Variants in PIK3C3 observed in about 807,000 individuals in gnomAD.
The protein encoded by PIK3C3 is phosphatidylinositol 3-kinase catalytic subunit type 3, also known as PI3-kinase type 3.
Under a neutral mutation model 126.1 loss-of-function variants are expected in PIK3C3, and 95 were observed. The ratio of observed to expected loss-of-function variants is 0.75; its 90% CI spans 0.64 to 0.89. The LOEUF (loss-of-function observed/expected upper bound fraction) is 0.89, where lower values mean the gene tolerates loss of function less well. Among genes scored for constraint, PIK3C3 ranks in the 40% least tolerant of loss-of-function variants. The pLI, the probability that PIK3C3 is intolerant of heterozygous loss-of-function variation, is 0.00. For missense variants in PIK3C3, 829 were observed against 1,063.2 expected (o/e 0.78, Z 3.06); for synonymous variants, 374 against 360.0 (o/e 1.04, Z -0.44).
At chr18:42,054,484 A>C (rs1280123027) in intron 21 of PIK3C3, among the ~76,000 whole-genome samples, 1 of 151,908 alleles carries the variant, frequency 6.6e-6, no homozygotes, top group East Asian at 2.0e-4. Flanking sequence ...CTCAAATATT[A>C]ATCTCCTTTG....
chr18:41,984,870 T>A (rs540597980), intron 4 of PIK3C3: 62 of 152,308 alleles, frequency 4.1e-4, no homozygotes, highest in African/African-American at 1.3e-3. Flanking sequence ...TTTTAACTGT[T>A]ATAATGCAGC....
intron 11 of PIK3C3, among the ~76,000 whole-genome samples, chr18:42,015,098 T>C (rs999461570): frequency 1.3e-5 from 2 of 152,212 alleles, no homozygotes; most frequent in Non-Finnish European, 2.9e-5. Context: ...GTTCTTTTTT[T>C]AAGCTCTGTT....
intron 1 of PIK3C3, among the ~76,000 whole-genome samples, chr18:41,956,135 T>C (rs1979759560): frequency 6.6e-6 from 1 of 152,210 alleles, no homozygotes; most frequent in South Asian, 2.1e-4. Context: ...CATAGCATCA[T>C]CCATAATTAA....
At chr18:42,038,569 C>G (rs1223997006) in intron 17 of PIK3C3, among the ~76,000 whole-genome samples, 3 of 152,058 alleles carry the variant, frequency 2.0e-5, no homozygotes, top group Non-Finnish European at 4.4e-5. Context: ...ATCTTGAACT[C>G]CTGACCTCAG....
chr18:42,083,232 C>T lies in PIK3C3; in HGVS notation c.*2095C>T, dbSNP rs529278458. The T allele has an allele frequency of 6.6e-6, 1 of 152,174 alleles. No individual in the cohort carries two copies. The highest frequency in any genetic ancestry group is 1.9e-4 in the East Asian group (1 of 5,198). 9.4% of individuals were successfully genotyped at this position (152,174 alleles called of 1,614,324 possible). ...ATTCCATTGTTTTTACTCTTTAGAG[C>T]TCTATCCTCAGAGTGTAGTCTGCAT... On this transcript the variant is annotated 3_prime_UTR_variant, in exon 25 of 25. Coordinates refer to ENST00000262039, the MANE Select transcript of PIK3C3 (RefSeq NM_002647.4).
intron 10 of PIK3C3, among the ~76,000 whole-genome samples, chr18:42,012,183 TAAAA>T (rs200019420): frequency 5.3e-4 from 75 of 142,236 alleles, no homozygotes; most frequent in Middle Eastern, 7.1e-3. Context: ...CTTCATTCTG[TAAAA>T]AAAAAAAAAA....
At chr18:41,990,372 T>C in intron 5 of PIK3C3, 87 bp from the exon 6 acceptor site, 4 of 752,434 alleles carry the variant, frequency 5.3e-6, no homozygotes, top group Non-Finnish European at 9.3e-6. Context: ...ATACATGTAT[T>C]ACTGAATTAG....
chr18:41,993,408 A>G (rs968852527), intron 7 of PIK3C3, 67 bp downstream of exon 7: 5 of 1,005,954 alleles, frequency 5.0e-6, no homozygotes, highest in African/African-American at 3.2e-5. Context: ...TAGCCACATC[A>G]TGTACTTTCT....
Position 41,957,659 on chromosome 18 carries a change from C to T in PIK3C3, c.158C>T (p.Thr53Ile), listed in dbSNP as rs765197224. Reference sequence around the variant, plus strand: ...AAGTTCTCAGGACTATATCAAGAGACATGCTCTGATCTTTATGTTACTTGT... The same window carrying T: ...AAGTTCTCAGGACTATATCAAGAGATATGCTCTGATCTTTATGTTACTTGT... Reference protein sequence around the residue: ...MLKFSGLYQETCSDLYVTCQV... With the variant: ...MLKFSGLYQEICSDLYVTCQV... The change falls in exon 2 of 25, where the codon ACA (threonine) becomes ATA (isoleucine). Residue 53 changes from threonine to isoleucine, a missense_variant. By Grantham distance (89) the Thr-to-Ile change is moderately conservative. Transcript: ENST00000262039. The T allele has an allele frequency of 3.7e-6, 6 of 1,613,970 alleles. No homozygotes were observed. Among genetic ancestry groups the T allele is most frequent in the Non-Finnish European group, 5.1e-6 (6 of 1,179,910 alleles).
chr18:42,021,235 A>G (rs543969506), intron 13 of PIK3C3, among the ~76,000 whole-genome samples: 1 of 152,072 alleles, frequency 6.6e-6, no homozygotes, highest in Non-Finnish European at 1.5e-5. Flanking sequence ...ATTTGTTTCT[A>G]TGACGTTAAA....
At chr18:42,067,630 C>A (rs1985599287) in intron 24 of PIK3C3, 117 bp downstream of exon 24, 3 of 1,096,230 alleles carry the variant, frequency 2.7e-6, no homozygotes, top group African/African-American at 1.6e-5. Context: ...TCTATCAAGT[C>A]GTTTTGACAT....
intron 21 of PIK3C3, 101 bp downstream of exon 21, chr18:42,049,706 G>C: frequency 1.1e-6 from 1 of 908,888 alleles, no homozygotes. Context: ...TGGCGCGGTG[G>C]CTCACGCCCG....
chr18:41,986,466 T>A (rs1981482762), intron 4 of PIK3C3, among the ~76,000 whole-genome samples: 1 of 152,144 alleles, frequency 6.6e-6, no homozygotes, highest in African/African-American at 2.4e-5. Flanking sequence ...TTGCATCTAT[T>A]ACTTTATTTG....
At chr18:41,984,155 C>T (rs1981349901) in intron 4 of PIK3C3, among the ~76,000 whole-genome samples, 1 of 151,954 alleles carries the variant, frequency 6.6e-6, no homozygotes, top group Non-Finnish European at 1.5e-5. Flanking sequence ...CCTACTTTTA[C>T]CTTTCTGCTT....
chr18:42,031,553 C>T (rs1983827622), intron 15 of PIK3C3, among the ~76,000 whole-genome samples: 1 of 152,034 alleles, frequency 6.6e-6, no homozygotes, highest in Admixed American at 6.6e-5. Flanking sequence ...GCCTCCCAGG[C>T]AGCTGGGACT....
At chr18:42,076,123 CGCATAT>C (rs1296744602) in intron 24 of PIK3C3, among the ~76,000 whole-genome samples, 917 of 30,198 alleles carry the variant, frequency 0.03, 66 homozygotes, top group African/African-American at 0.1. Flanking sequence ...TATATATATG[CGCATAT>C]ATATATATAT....
rs1170323940 is a variant in PIK3C3 at position 41,955,470 on chromosome 18, A to G, written c.68+111A>G. On this transcript the variant is annotated intron_variant, in intron 1 of 24. Coordinates refer to ENST00000262039, the MANE Select transcript of PIK3C3 (RefSeq NM_002647.4). Reference sequence around the variant, plus strand: ...GTACGTGACTCGTCTCAAGGCCCAGATTGGGGGCGGCTGTGAGGGCTGTAG... The same window carrying G: ...GTACGTGACTCGTCTCAAGGCCCAGGTTGGGGGCGGCTGTGAGGGCTGTAG... The G allele has an allele frequency of 3.3e-6, 3 of 910,328 alleles. No homozygotes were observed. In the Admixed American group the frequency reaches 6.1e-5, roughly 19 times the overall value. The allele number at this position is 910,328 out of a possible 1,614,324, so 56.4% of individuals were successfully genotyped here.
chr18:42,031,181 C>T (rs972663078), intron 15 of PIK3C3, among the ~76,000 whole-genome samples: 2 of 152,060 alleles, frequency 1.3e-5, no homozygotes, highest in Admixed American at 1.3e-4. Context: ...TTGAAATGGC[C>T]ACTAATCATA....
chr18:42,012,569 TA>T (rs920040026), intron 10 of PIK3C3, among the ~76,000 whole-genome samples: 5 of 152,174 alleles, frequency 3.3e-5, no homozygotes, highest in African/African-American at 1.2e-4. Flanking sequence ...TAGTTATTTT[TA>T]AAAGTAAAAT....
Sources: allele counts gnomAD v4.1 joint callset (sites outside exome capture counted in the v4.1 genomes callset), GRCh38; gene constraint gnomAD v4.1.1; transcripts MANE v1.5; gene names NCBI Gene and HGNC (gene_info 2026-07-23, HGNC 2026-07-21).